GNB4: variants seen among roughly 807,000 people sequenced by gnomAD.
GNB4 encodes the protein G protein subunit beta 4, also known as guanine nucleotide-binding protein subunit beta-4.
GNB4 carries 28 observed loss-of-function variants against 45.2 expected under a neutral mutation model. That is an observed-to-expected ratio of 0.62 (90% CI 0.46 to 0.85). The LOEUF (loss-of-function observed/expected upper bound fraction) is 0.85, where lower values mean the gene tolerates loss of function less well. Ranked by LOEUF, GNB4 falls within the 40% of genes least tolerant of loss-of-function variation. GNB4 has a pLI of 0.00. For missense variants in GNB4, 321 were observed against 425.4 expected, an observed-to-expected ratio of 0.75 and a Z score of 2.16; for synonymous variants, 132 against 143.7, an observed-to-expected ratio of 0.92 and a Z score of 0.58.
chr3:179,448,837 G>C (rs1186643962), intron 1 of GNB4, among the ~76,000 whole-genome samples: 1 of 152,166 alleles, frequency 6.6e-6, no homozygotes, highest in African/African-American at 2.4e-5. Context: ...CTAACACTTT[G>C]GGAGGCTGAG....
chr3:179,504,646 T>C, the GNB4 span, among the ~76,000 whole-genome samples: 284 of 152,310 alleles, frequency 1.9e-3, no homozygotes, highest in Admixed American at 2.8e-3. Flanking sequence ...TGCTCCCAGA[T>C]AAGACTAAAG....
the GNB4 span, among the ~76,000 whole-genome samples, chr3:179,516,834 G>A: frequency 6.6e-6 from 1 of 152,326 alleles, no homozygotes; most frequent in East Asian, 1.9e-4. Flanking sequence ...GTGAGGGACA[G>A]AAGTTGGAAT....
At chr3:179,485,001 TTTTG>T in the GNB4 span, among the ~76,000 whole-genome samples, 10 of 62,336 alleles carry the variant, frequency 1.6e-4, no homozygotes, top group African/African-American at 2.1e-4. Context: ...ACTTTTTTCG[TTTTG>T]TTTTTTTTTT....
the GNB4 span, chr3:179,464,589 C>A: frequency 7.0e-7 from 1 of 1,427,812 alleles, no homozygotes; most frequent in Non-Finnish European, 9.9e-7. Context: ...TTCTGCAAGT[C>A]ACTCCTACGT....
Position 179,401,051 on chromosome 3 carries a change from A to ACCCC in GNB4, c.*158_*161dup. The ACCCC allele has an allele frequency of 1.9e-6, 1 of 524,590 alleles. No individual in the cohort carries two copies. Among genetic ancestry groups the ACCCC allele is most frequent in the Non-Finnish European group, 3.4e-6 (1 of 295,286 alleles). The allele number at this position is 524,590 out of a possible 1,614,324, so 32.5% of individuals were successfully genotyped here. A position where few individuals can be genotyped will look rare whatever the true frequency, so the allele number is the denominator to read the frequency against. ...AAGGCGCCTTTGCCTTTTTTCCTCC[A>ACCCC]CCCCCACTTTTTTTTTGGTAGTTTA... On this transcript the variant is annotated 3_prime_UTR_variant, in exon 10 of 10. Coordinates refer to ENST00000232564, the MANE Select transcript of GNB4 (RefSeq NM_021629.4).
the GNB4 span, among the ~76,000 whole-genome samples, chr3:179,475,263 A>T: frequency 6.6e-6 from 1 of 151,476 alleles, no homozygotes; most frequent in Admixed American, 6.6e-5. Context: ...GACTACATGC[A>T]CGTGCCACCA....
At chr3:179,405,559 T>A (rs1714445081) in intron 8 of GNB4, 153 bp from the exon 9 acceptor site, 4 of 580,222 alleles carry the variant, frequency 6.9e-6, no homozygotes, top group Non-Finnish European at 1.2e-5. Flanking sequence ...ATTTTGAGCC[T>A]CAGATTCCAT....
intron 1 of GNB4, among the ~76,000 whole-genome samples, chr3:179,448,143 T>C (rs1049460169): frequency 1.8e-4 from 28 of 152,336 alleles, no homozygotes; most frequent in African/African-American, 6.3e-4. Flanking sequence ...ACAGCCTACA[T>C]GGAGTCCCTT....
At chr3:179,497,344 A>G in the GNB4 span, among the ~76,000 whole-genome samples, 1 of 152,208 alleles carries the variant, frequency 6.6e-6, no homozygotes, top group African/African-American at 2.4e-5. Flanking sequence ...CCATACACAA[A>G]ATCTATTCAA....
chr3:179,519,262 C>A, the GNB4 span, among the ~76,000 whole-genome samples: 3 of 152,222 alleles, frequency 2.0e-5, no homozygotes, highest in Non-Finnish European at 4.4e-5. Flanking sequence ...GTAGCCACTT[C>A]CAGAGCCCCT....
chr3:179,460,491 A>G, the GNB4 span, among the ~76,000 whole-genome samples: 7 of 152,216 alleles, frequency 4.6e-5, no homozygotes, highest in East Asian at 1.9e-4. Context: ...TAACTCAGAA[A>G]TGAATTTAAG....
At chr3:179,521,391 C>T in the GNB4 span, among the ~76,000 whole-genome samples, 1 of 152,202 alleles carries the variant, frequency 6.6e-6, no homozygotes, top group African/African-American at 2.4e-5. Context: ...GAATTCAGGC[C>T]TGTCCTCGGA....
At chr3:179,464,424 C>T in the GNB4 span, 2 of 1,477,140 alleles carry the variant, frequency 1.4e-6, no homozygotes, top group South Asian at 1.1e-5. Context: ...CTGCCCTCGC[C>T]CCTTCCACCT....
chr3:179,404,870 A>G (rs1463792118), intron 9 of GNB4, among the ~76,000 whole-genome samples: 2 of 152,186 alleles, frequency 1.3e-5, no homozygotes, highest in African/African-American at 2.4e-5. Flanking sequence ...CAGCAGTTAC[A>G]ATGTTTCCTG....
At chr3:179,446,851 A>C (rs1022539429) in intron 1 of GNB4, among the ~76,000 whole-genome samples, 4 of 152,234 alleles carry the variant, frequency 2.6e-5, no homozygotes, top group African/African-American at 9.6e-5. Flanking sequence ...ATTAGCTAAG[A>C]TACAACAAAT....
At chr3:179,485,479 A>G in the GNB4 span, among the ~76,000 whole-genome samples, 1 of 152,134 alleles carries the variant, frequency 6.6e-6, no homozygotes, top group Non-Finnish European at 1.5e-5. Context: ...CATTTGGGTA[A>G]TATATCTGGC....
rs532367728 is a variant in GNB4 at position 179,404,663 on chromosome 3, C to A, written c.916+527G>T. On this transcript the variant is annotated intron_variant, in intron 9 of 9. Transcript: ENST00000232564. Reference sequence around the variant, plus strand: ...CAAGCTATATAGGACAACTGGATTCCTTTAAGTATAATTTTGATTTTTAAA... The same window carrying A: ...CAAGCTATATAGGACAACTGGATTCATTTAAGTATAATTTTGATTTTTAAA... Among the ~76,000 whole-genome samples, 12 of 152,178 alleles carry A rather than the reference C, an allele frequency of 7.9e-5. No homozygotes were observed. The East Asian group carries it at 2.1e-3, about 27-fold the overall frequency.
At chr3:179,461,731 C>A in the GNB4 span, among the ~76,000 whole-genome samples, 1 of 152,138 alleles carries the variant, frequency 6.6e-6, no homozygotes, top group Non-Finnish European at 1.5e-5. Context: ...CCACCTCAAC[C>A]TTCAACTACT....
chr3:179,445,944 T>C (rs893413557), intron 1 of GNB4, among the ~76,000 whole-genome samples: 8 of 152,182 alleles, frequency 5.3e-5, no homozygotes, highest in Non-Finnish European at 1.0e-4. Context: ...CTGCCATAAA[T>C]ATGAAATATA....
Sources: gnomAD v4.1 joint callset for allele counts (sites outside exome capture counted in the v4.1 genomes callset) on GRCh38, gnomAD v4.1.1 for gene constraint, MANE v1.5 for transcripts, NCBI Gene and HGNC (gene_info 2026-07-23, HGNC 2026-07-21) for gene names.